Variants in TRPC6 observed in about 807,000 individuals in gnomAD.
TRPC6 encodes the protein short transient receptor potential channel 6.
A neutral mutation model predicts 90.7 loss-of-function variants in TRPC6; 55 were observed. The ratio of observed to expected loss-of-function variants is 0.61; its 90% CI spans 0.49 to 0.76. The LOEUF is 0.76. Among genes scored for constraint, TRPC6 ranks in the 30% least tolerant of loss-of-function variants. The pLI is 0.00. For missense variants in TRPC6, 989 were observed against 1,122.7 expected (o/e 0.88, Z 1.70); for synonymous variants, 393 against 393.0 (o/e 1.00, Z 0.00).
At chr11:101,522,243 T>C (rs1046252382) in intron 1 of TRPC6, among the ~76,000 whole-genome samples, 5 of 152,228 alleles carry the variant, frequency 3.3e-5, no homozygotes, top group African/African-American at 1.2e-4. Flanking sequence ...GATATTCCCC[T>C]TACTATTCTC....
chr11:101,531,786 T>G (rs1172073336), intron 1 of TRPC6, among the ~76,000 whole-genome samples: 1 of 152,238 alleles, frequency 6.6e-6, no homozygotes, highest in Non-Finnish European at 1.5e-5. Flanking sequence ...CATTTTTTTG[T>G]ATCTTCTATA....
intron 2 of TRPC6, among the ~76,000 whole-genome samples, chr11:101,495,435 T>C (rs1859918927): frequency 3.9e-5 from 6 of 152,018 alleles, no homozygotes; most frequent in Admixed American, 3.3e-4. Context: ...ACTTACTAGC[T>C]ATGTGACTTT....
At position 101,455,120 on chromosome 11, in the gene TRPC6, T is replaced by C. The variant is rs772832748; in HGVS notation, c.2485-19A>G. 48 of 1,584,610 alleles carry C rather than the reference T, an allele frequency of 3.0e-5. No individual in the cohort carries two copies. The highest frequency in any genetic ancestry group is 4.1e-5 in the Non-Finnish European group (47 of 1,154,366). ...GCCCAACCTGTAATTTGAAAAGATT[T>C]AGAAATGGATTCCTACTTACATTTT... On this transcript the variant is annotated intron_variant, in intron 10 of 12. Coordinates refer to ENST00000344327, the MANE Select transcript of TRPC6 (RefSeq NM_004621.6).
chr11:101,496,763 A>C (rs1018059584), intron 2 of TRPC6, among the ~76,000 whole-genome samples: 2 of 152,178 alleles, frequency 1.3e-5, no homozygotes, highest in Admixed American at 6.5e-5. Context: ...CTCATCAATC[A>C]AACTGTTGCA....
chr11:101,456,922 A>G (rs1465427531), intron 10 of TRPC6, among the ~76,000 whole-genome samples: 1 of 152,156 alleles, frequency 6.6e-6, no homozygotes, highest in African/African-American at 2.4e-5. Flanking sequence ...AATTCAGTAA[A>G]TATTTCATAA....
chr11:101,539,163 A>T (rs1260771751), intron 1 of TRPC6, among the ~76,000 whole-genome samples: 1 of 152,188 alleles, frequency 6.6e-6, no homozygotes, highest in Non-Finnish European at 1.5e-5. Context: ...CATCATCTTT[A>T]TCACGCTCAA....
In TRPC6 at chr11:101,539,228, T is replaced by C. The variant is rs530658896; in HGVS notation, c.171-34430A>G. ...AGTCCTAGAAAGGAGCCCTAAAGTC[T>C]CGGTTTTCAGATTCCTTAGAACTAG... On this transcript the variant is annotated intron_variant, in intron 1 of 12. Transcript: ENST00000344327. Among the ~76,000 whole-genome samples the C allele has an allele frequency of 1.3e-3, 193 of 152,278 alleles. 1 individual carries two copies. Among genetic ancestry groups the C allele is most frequent in the African/African-American group, 4.5e-3 (187 of 41,556 alleles).
At chr11:101,472,447 T>C in intron 7 of TRPC6, 115 bp from the exon 8 acceptor site, 1 of 976,844 alleles carries the variant, frequency 1.0e-6, no homozygotes, top group Non-Finnish European at 1.5e-6. Flanking sequence ...ATAAAAAAAA[T>C]TCTTCACTTC....
intron 1 of TRPC6, among the ~76,000 whole-genome samples, chr11:101,535,393 ATT>A (rs1491021161): frequency 6.0e-5 from 4 of 67,058 alleles, no homozygotes; most frequent in Non-Finnish European, 1.6e-4. Flanking sequence ...TAATCTTATT[ATT>A]ATTTTTTTTT....
rs1858797952 is a variant in TRPC6, at chr11:101,452,985, C to T, written c.2766G>A (p.Met922Ile). Residue 922 changes from methionine to isoleucine, a missense_variant, in exon 13 of 13, where the codon ATG becomes ATA. This residue lies in a region of TRPC6 where 191 missense variants were observed against 196.7 expected (regional missense o/e 0.97). Coordinates refer to ENST00000344327, the MANE Select transcript of TRPC6 (RefSeq NM_004621.6). ...TATTGGTTTCCTCTTGATTTGGTTC[C>T]ATGGATAATTTCTCTCCAAGTTCTC... ...LIRELGEKLS[M>I]EPNQEETNR The T allele has an allele frequency of 6.2e-7, 1 of 1,613,912 alleles. No individual in the cohort carries two copies. The highest frequency in any genetic ancestry group is 8.5e-7 in the Non-Finnish European group (1 of 1,179,866).
rs555697917 is a variant in TRPC6, at chr11:101,570,953, C to G, written c.170+12381G>C. The stretch of plus-strand genomic sequence containing the variant: ...AAGCTGGAAACATTCCCTTTGAAAG[C>G]TGGCACAAGACAAGGATGCCCTCTC... On this transcript the variant is annotated intron_variant, in intron 1 of 12. Coordinates refer to ENST00000344327, the MANE Select transcript of TRPC6 (RefSeq NM_004621.6). Among the ~76,000 whole-genome samples the G allele has an allele frequency of 2.0e-3, 289 of 144,572 alleles. 1 individual carries two copies. The highest frequency in any genetic ancestry group is 6.9e-3 in the African/African-American group (274 of 39,820). The allele number at this position is 144,572 out of a possible 152,430, so 94.8% of individuals were successfully genotyped here. A position where few individuals can be genotyped will look rare whatever the true frequency, so the allele number is the denominator to read the frequency against.
chr11:101,553,091 A>G (rs1035964205), intron 1 of TRPC6, among the ~76,000 whole-genome samples: 1 of 152,140 alleles, frequency 6.6e-6, no homozygotes, highest in African/African-American at 2.4e-5. Flanking sequence ...GAGGTAGAGT[A>G]TTAATGGGAA....
intron 8 of TRPC6, among the ~76,000 whole-genome samples, chr11:101,471,933 C>A (rs962265781): frequency 6.6e-6 from 1 of 152,108 alleles, no homozygotes; most frequent in African/African-American, 2.4e-5. Context: ...TTATGCCTTA[C>A]GTCTCTGCCC....
At chr11:101,539,491 A>G (rs2136816334) in intron 1 of TRPC6, among the ~76,000 whole-genome samples, 1 of 152,316 alleles carries the variant, frequency 6.6e-6, no homozygotes, top group African/African-American at 2.4e-5. Flanking sequence ...GCTACTGCTG[A>G]CTTGCCTCAT....
In TRPC6 at chr11:101,572,818, T is replaced by C. The variant is rs1861992505; in HGVS notation, c.170+10516A>G. On this transcript the variant is annotated intron_variant, in intron 1 of 12. Coordinates refer to ENST00000344327, the MANE Select transcript of TRPC6 (RefSeq NM_004621.6). ...GTGGGAGATTAATAAGGAGAACATA[T>C]GGACACAGGCAGGGGAACTTCACAC... Among the ~76,000 whole-genome samples, 4 of 151,976 alleles carry C rather than the reference T, an allele frequency of 2.6e-5. 1 individual carries two copies. The South Asian group carries it at 8.3e-4, about 32-fold the overall frequency.
chr11:101,576,599 A>G (rs1372998562), intron 1 of TRPC6, among the ~76,000 whole-genome samples: 1 of 152,226 alleles, frequency 6.6e-6, no homozygotes, highest in Non-Finnish European at 1.5e-5. Flanking sequence ...GAAAGCCATC[A>G]GAAGATTCCT....
intron 1 of TRPC6, among the ~76,000 whole-genome samples, chr11:101,568,698 G>A (rs1197674599): frequency 6.6e-6 from 1 of 152,158 alleles, no homozygotes; most frequent in Non-Finnish European, 1.5e-5. Flanking sequence ...GGAGAGAGGA[G>A]GGGCCAATAT....
intron 6 of TRPC6, among the ~76,000 whole-genome samples, chr11:101,474,492 G>A (rs920362458): frequency 6.6e-6 from 1 of 152,076 alleles, no homozygotes; most frequent in Non-Finnish European, 1.5e-5. Flanking sequence ...ATTTGTATTT[G>A]CTTATTTGCT....
Position 101,513,860 on chromosome 11 carries a change from A to G in TRPC6, c.171-9062T>C, listed in dbSNP as rs144900264. 2.4e-3 allele frequency among the ~76,000 whole-genome samples: 364 copies of G among 152,338 alleles called. 2 individuals carry two copies. The highest frequency in any genetic ancestry group is 8.2e-3 in the African/African-American group (339 of 41,580). On this transcript the variant is annotated intron_variant, in intron 1 of 12. Transcript: ENST00000344327. ...AAACATTCAAAATGTGAAGAGCACA[A>G]GCTGAAGCTGCTGATTCCCAGAGAT...
Sources: gnomAD v4.1 joint callset for allele counts (sites outside exome capture counted in the v4.1 genomes callset) on GRCh38, gnomAD v4.1.1 for gene constraint, gnomAD v4.1.1 regional missense constraint, MANE v1.5 for transcripts, NCBI Gene and HGNC (gene_info 2026-07-23, HGNC 2026-07-21) for gene names.